The following RNF213 variants were observed in gnomAD, a reference collection of about 807,000 sequenced individuals.
RNF213 encodes the protein ring finger protein 213.
In RNF213, 341 loss-of-function variants were observed where a neutral mutation model predicts 514.4. The ratio of observed to expected loss-of-function variants is 0.66; its 90% CI spans 0.61 to 0.73. The LOEUF (loss-of-function observed/expected upper bound fraction) is 0.73, where lower values mean the gene tolerates loss of function less well. RNF213 is among the 30% of genes least tolerant of loss of function. The probability of loss-of-function intolerance (pLI) is 0.00; values close to 1 mark genes in which losing one functional copy is unlikely to be tolerated. For synonymous variants in RNF213, 2,655 were observed against 2,658.2 expected, an observed-to-expected ratio of 1.00 and a Z score of 0.04; for missense variants, 5,767 against 6,615.6, an observed-to-expected ratio of 0.87 and a Z score of 4.45.
At chr17:80,364,652 G>A (rs1245065972) in intron 42 of RNF213, 99 bp downstream of exon 42, 2 of 1,474,860 alleles carry the variant, frequency 1.4e-6, no homozygotes, top group Non-Finnish European at 1.9e-6. Flanking sequence ...ACGCTCTTTT[G>A]GCTCTGACCG....
At chr17:80,275,811 C>T (rs953812055) in intron 3 of RNF213, among the ~76,000 whole-genome samples, 5 of 151,962 alleles carry the variant, frequency 3.3e-5, no homozygotes, top group Non-Finnish European at 5.9e-5. Context: ...TACAGGCACC[C>T]GCCACCACGC....
At position 80,364,460 on chromosome 17, in the gene RNF213, C is replaced by T. The variant is rs755856902; in HGVS notation, c.11778C>T (p.Thr3926=). The change falls in exon 42 of 68, where the codon ACC becomes ACT. Residue 3926 remains threonine (T), a synonymous_variant. Coordinates refer to ENST00000582970, the MANE Select transcript of RNF213 (RefSeq NM_001256071.3). ...VRAQWSRIFS[T]ALFVEHVLLG... The stretch of plus-strand genomic sequence containing the variant: ...CCCAGTGGAGTCGGATTTTCTCCAC[C>T]GCACTCTTCGTGGAGCACGTGCTCC... 3.8e-5 allele frequency: 61 copies of T among 1,614,002 alleles called. No homozygotes were observed. Among genetic ancestry groups the T allele is most frequent in the Admixed American group, 1.2e-4 (7 of 59,998 alleles).
Position 80,340,077 on chromosome 17 carries a change from G to T in RNF213, c.5710G>T (p.Val1904Leu). 6.3e-7 allele frequency: 1 copy of T among 1,596,374 alleles called. No homozygotes were observed. ...LLFADQLSYE[V>L]ARQAEELFHN... is the part of the protein sequence containing the mutation. Reference sequence around the variant, plus strand: ...GTTCGCAGATCAGCTGAGCTACGAGGTGGCACGCCAAGCGGAGGAGCTTTT... The same window carrying T: ...GTTCGCAGATCAGCTGAGCTACGAGTTGGCACGCCAAGCGGAGGAGCTTTT... The change falls in exon 26 of 68, where the codon GTG becomes TTG. Residue 1904 changes from valine (V) to leucine (L), a missense_variant. Val to Leu is a conservative substitution (Grantham distance 32). Coordinates refer to ENST00000582970, the MANE Select transcript of RNF213 (RefSeq NM_001256071.3).
At chr17:80,299,334 C>T (rs184802580) in intron 11 of RNF213, among the ~76,000 whole-genome samples, 5 of 152,264 alleles carry the variant, frequency 3.3e-5, no homozygotes, top group Non-Finnish European at 7.3e-5. Flanking sequence ...GCATCCTTAG[C>T]TTTCTCTGTC....
Position 80,340,280 on chromosome 17 carries a change from G to A in RNF213, c.5913G>A (p.Lys1971=). Residue 1971 remains lysine (K), a synonymous_variant, in exon 26 of 68, where the codon AAG becomes AAA. Coordinates refer to ENST00000582970, the MANE Select transcript of RNF213 (RefSeq NM_001256071.3). ...TGGCAGGTCACTACCGGGTCCCGAAGCAGACCCTGTCGGCGGCAGCCGTGT... is the reference window on the plus strand; with the variant it reads ...TGGCAGGTCACTACCGGGTCCCGAAACAGACCCTGTCGGCGGCAGCCGTGT... ...AYLAGHYRVP[K]QTLSAAAVFN... 6.2e-7 allele frequency: 1 copy of A among 1,614,060 alleles called. No homozygotes were observed. The highest frequency in any genetic ancestry group is 2.2e-5 in the East Asian group (1 of 44,884).
chr17:80,381,438 C>T (rs1481400335), intron 56 of RNF213, 109 bp from the exon 57 acceptor site: 24 of 1,182,538 alleles, frequency 2.0e-5, no homozygotes, highest in Admixed American at 1.4e-4. Context: ...TCTTAGAAAC[C>T]GCCTTCCGAC....
At chr17:80,299,224 G>A (rs1034804462) in intron 11 of RNF213, among the ~76,000 whole-genome samples, 6 of 152,170 alleles carry the variant, frequency 3.9e-5, no homozygotes, top group African/African-American at 4.8e-5. Context: ...ATGTCTTAGC[G>A]TTCCAGCCAG....
rs778226552 is a variant in RNF213 at position 80,367,729 on chromosome 17, T to G, written c.11872-19T>G. ...AGCCCTCCCCCCTGCTAATGACTCC[T>G]GTCCCTGCCTTTCTTCAGTGTCTTC... On this transcript the variant is annotated intron_variant, in intron 42 of 67. Transcript: ENST00000582970. 6.2e-7 allele frequency: 1 copy of G among 1,609,850 alleles called. No individual in the cohort carries two copies. The highest frequency in any genetic ancestry group is 1.3e-5 in the African/African-American group (1 of 74,894).
At chr17:80,289,470 AT>A (rs2044602401) in intron 5 of RNF213, among the ~76,000 whole-genome samples, 188 bp from the exon 6 acceptor site, 1 of 152,036 alleles carries the variant, frequency 6.6e-6, no homozygotes, top group Non-Finnish European at 1.5e-5. Context: ...TGTGCCTGTA[AT>A]CCCAGCTACT....
rs188543147 is a variant in RNF213 at position 80,309,262 on chromosome 17, G to A, written c.2655+91G>A. The A allele has an allele frequency of 1.0e-4, 150 of 1,468,302 alleles. 1 individual carries two copies. In the African/African-American group the frequency reaches 1.5e-3, roughly 15 times the overall value. 91.0% of individuals were successfully genotyped at this position (1,468,302 alleles called of 1,614,324 possible). A position where few individuals can be genotyped will look rare whatever the true frequency, so the allele number is the denominator to read the frequency against. The stretch of plus-strand genomic sequence containing the variant: ...TTGGAAAGGAAACAGACTGATTCCC[G>A]GGTGCTGGGATGAGATGGAGCGGTG... On this transcript the variant is annotated intron_variant, in intron 14 of 67. Transcript: ENST00000582970.
At chr17:80,362,419 T>A (rs2079090139) in intron 39 of RNF213, among the ~76,000 whole-genome samples, 1 of 152,248 alleles carries the variant, frequency 6.6e-6, no homozygotes, top group South Asian at 2.1e-4. Context: ...AACAATTTTA[T>A]AATCTCATTA....
chr17:80,350,405 T>C lies in RNF213; in HGVS notation c.10184+9T>C. On this transcript the variant is annotated intron_variant, in intron 31 of 67. Transcript: ENST00000582970. ...CTCATTGCCTCAGCTAAGTATGTTTTTAGTATTTTTCTCAGAAACTATGTA... is the reference window on the plus strand; with the variant it reads ...CTCATTGCCTCAGCTAAGTATGTTTCTAGTATTTTTCTCAGAAACTATGTA... 3.2e-6 allele frequency: 5 copies of C among 1,574,218 alleles called. No individual in the cohort carries two copies. Among genetic ancestry groups the C allele is most frequent in the Non-Finnish European group, 4.4e-6 (5 of 1,143,902 alleles).
In RNF213 at chr17:80,388,641, C is replaced by T. The variant is rs1442075467; in HGVS notation, c.14952C>T (p.Asp4984=). ...KGIPTLVYRH[D]WNYEHLFMDI... is the part of the protein sequence containing the mutation. ...TACCCACTCTGGTGTACAGACACGA[C>T]TGGAACTATGAACATCTCTTTATGG... The change falls in exon 64 of 68, where the codon GAC becomes GAT. Residue 4984 remains aspartate, a synonymous_variant. Coordinates refer to ENST00000582970, the MANE Select transcript of RNF213 (RefSeq NM_001256071.3). 1.6e-5 allele frequency: 25 copies of T among 1,612,816 alleles called. No individual in the cohort carries two copies. The highest frequency in any genetic ancestry group is 2.1e-5 in the Non-Finnish European group (25 of 1,179,302).
At chr17:80,324,695 T>C (rs1465303531) in intron 17 of RNF213, among the ~76,000 whole-genome samples, 1 of 152,128 alleles carries the variant, frequency 6.6e-6, no homozygotes, top group African/African-American at 2.4e-5. Context: ...ATATTAAGGG[T>C]TTATTCATTT....
chr17:80,281,463 A>ACACACACC (rs2044277844), intron 3 of RNF213, among the ~76,000 whole-genome samples: 4 of 89,160 alleles, frequency 4.5e-5, no homozygotes, highest in Non-Finnish European at 7.0e-5. Flanking sequence ...CACCCCACTC[A>ACACACACC]CAACACTCAC....
chr17:80,273,541 G>A, intron 3 of RNF213, 137 bp downstream of exon 3: 1 of 1,130,850 alleles, frequency 8.8e-7, no homozygotes, highest in Non-Finnish European at 1.3e-6. Flanking sequence ...CAGCAGCAGA[G>A]CTGCCCCTTC....
intron 3 of RNF213, among the ~76,000 whole-genome samples, chr17:80,285,995 T>A (rs2143177866): frequency 6.6e-6 from 1 of 152,270 alleles, no homozygotes; most frequent in Admixed American, 6.5e-5. Flanking sequence ...ATTTTTGAGA[T>A]GGAGTCTCAC....
In RNF213 at chr17:80,269,479, A is replaced by ATCCG. The variant is rs750580187; in HGVS notation, c.98-3760_98-3759insCGTC. 4.7e-5 allele frequency among the ~76,000 whole-genome samples: 7 copies of ATCCG among 150,514 alleles called. No homozygotes were observed. In the East Asian group the frequency reaches 1.4e-3, roughly 31 times the overall value. On this transcript the variant is annotated intron_variant, in intron 2 of 67. Transcript: ENST00000582970. ...ATTCATCCATCCATTCATCTATTCT[A>ATCCG]TCTATCCATCCATCCATTCATCTAT... is the stretch of plus-strand genomic sequence containing the variant.
chr17:80,309,047 A>C lies in RNF213; in HGVS notation c.2531A>C (p.Tyr844Ser). The change falls in exon 14 of 68, where the codon TAC becomes TCC. Residue 844 changes from tyrosine to serine, a missense_variant. By Grantham distance (144) the Tyr-to-Ser change is moderately radical. This residue lies in a region of RNF213 where 592 missense variants were observed against 673.9 expected (regional missense o/e 0.88). Coordinates refer to ENST00000582970, the MANE Select transcript of RNF213 (RefSeq NM_001256071.3). ...CCCGAGGAGGCCTTGTCACCATCCT[A>C]CCTGACTGTGTGTCTGAAACTGCAT... is the stretch of plus-strand genomic sequence containing the variant. ...KIPEEALSPS[Y>S]LTVCLKLHEA... The C allele has an allele frequency of 6.2e-7, 1 of 1,614,044 alleles. No individual in the cohort carries two copies. The highest frequency in any genetic ancestry group is 8.5e-7 in the Non-Finnish European group (1 of 1,180,020).
Sources: gnomAD v4.1 joint callset for allele counts (sites outside exome capture counted in the v4.1 genomes callset) on GRCh38, gnomAD v4.1.1 for gene constraint, gnomAD v4.1.1 regional missense constraint, MANE v1.5 for transcripts, NCBI Gene and HGNC (gene_info 2026-07-23, HGNC 2026-07-21) for gene names.